Variants in KCNH5 observed in about 807,000 individuals in gnomAD.
KCNH5 encodes potassium voltage-gated channel subfamily H member 5, also known as voltage-gated delayed rectifier potassium channel KCNH5.
Under a neutral mutation model 96.1 loss-of-function variants are expected in KCNH5, and 46 were observed. The observed-to-expected ratio is 0.48, with a 90% CI of 0.38 to 0.61. The LOEUF is 0.61. Ranked by LOEUF, KCNH5 falls within the 20% of genes least tolerant of loss-of-function variation. The pLI, the probability that KCNH5 is intolerant of heterozygous loss-of-function variation, is 0.00. For synonymous variants in KCNH5, 439 were observed against 449.8 expected, an observed-to-expected ratio of 0.98 and a Z score of 0.30; for missense variants, 907 against 1,225.8, an observed-to-expected ratio of 0.74 and a Z score of 3.88.
At chr14:62,767,651 A>G (rs1009323527) in intron 10 of KCNH5, among the ~76,000 whole-genome samples, 4 of 152,198 alleles carry the variant, frequency 2.6e-5, no homozygotes, top group Non-Finnish European at 4.4e-5. Context: ...AGAAGGGAAC[A>G]ATAGACACCA....
At chr14:62,866,840 G>A (rs1888143346) in intron 7 of KCNH5, among the ~76,000 whole-genome samples, 2 of 152,024 alleles carry the variant, frequency 1.3e-5, no homozygotes, top group African/African-American at 4.8e-5. Context: ...CCTGGTCTAG[G>A]TACTCCTCTC....
At chr14:62,972,748 A>G (rs1890433198) in intron 6 of KCNH5, among the ~76,000 whole-genome samples, 1 of 152,218 alleles carries the variant, frequency 6.6e-6, no homozygotes, top group African/African-American at 2.4e-5. Context: ...AAGAGAAAGA[A>G]GCCAATATGA....
chr14:62,805,837 C>T (rs1342090308), intron 8 of KCNH5, among the ~76,000 whole-genome samples: 2 of 152,114 alleles, frequency 1.3e-5, no homozygotes, highest in South Asian at 2.1e-4. Flanking sequence ...AAATTAGACT[C>T]GTTAAGATGA....
chr14:62,843,367 T>G (rs1188213389), intron 8 of KCNH5, among the ~76,000 whole-genome samples: 1 of 151,676 alleles, frequency 6.6e-6, no homozygotes, highest in Non-Finnish European at 1.5e-5. Context: ...TTAAGACCAA[T>G]TCAGCTTTAT....
rs955155352 is a variant in KCNH5, at chr14:62,705,324, T to C, written c.*2184A>G. ...AAAGTTAAACTAACAACTTCTATAA[T>C]CAGATTCTTATTTTAACCACACATT... On this transcript the variant is annotated 3_prime_UTR_variant, in exon 11 of 11. Transcript: ENST00000322893. 2 of 152,002 alleles carry C rather than the reference T, an allele frequency of 1.3e-5. No individual in the cohort carries two copies. Among genetic ancestry groups the C allele is most frequent in the African/African-American group, 4.8e-5 (2 of 41,442 alleles). 9.4% of individuals were successfully genotyped at this position (152,002 alleles called of 1,614,324 possible). A position where few individuals can be genotyped will look rare whatever the true frequency, so the allele number is the denominator to read the frequency against.
At chr14:62,736,711 T>C (rs982148195) in intron 10 of KCNH5, among the ~76,000 whole-genome samples, 15 of 152,116 alleles carry the variant, frequency 9.9e-5, no homozygotes, top group African/African-American at 3.1e-4. Context: ...CTAAAACCAA[T>C]ATATACTCTT....
At position 62,865,766 on chromosome 14, in the gene KCNH5, G is replaced by A. The variant is rs17764329; in HGVS notation, c.1370-15914C>T. On this transcript the variant is annotated intron_variant, in intron 7 of 10. Coordinates refer to ENST00000322893, the MANE Select transcript of KCNH5 (RefSeq NM_139318.5). ...ATTGAAGACAAGAAAACATATTTTC[G>A]AGGAATTGTGTATTTCCTAGAGCTA... Among the ~76,000 whole-genome samples the A allele has an allele frequency of 5.0e-3, 768 of 152,248 alleles. 3 individuals carry two copies. The highest frequency in any genetic ancestry group is 8.1e-3 in the Non-Finnish European group (552 of 68,022).
intron 7 of KCNH5, among the ~76,000 whole-genome samples, chr14:62,892,811 C>T (rs1888737477): frequency 6.6e-6 from 1 of 152,158 alleles, no homozygotes; most frequent in Non-Finnish European, 1.5e-5. Flanking sequence ...ATGTTTAAAG[C>T]ATGATTCACT....
intron 7 of KCNH5, among the ~76,000 whole-genome samples, chr14:62,933,731 T>C (rs923759555): frequency 6.6e-6 from 1 of 152,194 alleles, no homozygotes; most frequent in African/African-American, 2.4e-5. Flanking sequence ...ATAAACCTTA[T>C]AGCGCTATTT....
chr14:62,730,694 CATAAT>C (rs752770779), intron 10 of KCNH5, among the ~76,000 whole-genome samples: 18 of 152,252 alleles, frequency 1.2e-4, no homozygotes, highest in Admixed American at 3.9e-4. Flanking sequence ...TATCTGATAA[CATAAT>C]AGACTGACAG....
At chr14:62,887,789 T>A (rs1888627456) in intron 7 of KCNH5, among the ~76,000 whole-genome samples, 1 of 152,084 alleles carries the variant, frequency 6.6e-6, no homozygotes, top group South Asian at 2.1e-4. Flanking sequence ...TTATTAAAGC[T>A]TCTTACTGCA....
intron 4 of KCNH5, among the ~76,000 whole-genome samples, chr14:62,988,727 ACT>A (rs1890756448): frequency 1.3e-5 from 2 of 152,058 alleles, no homozygotes; most frequent in African/African-American, 4.8e-5. Flanking sequence ...TATGACACCA[ACT>A]CTCTAAAAAC....
intron 9 of KCNH5, among the ~76,000 whole-genome samples, chr14:62,799,523 A>G (rs1210308715): frequency 7.1e-6 from 1 of 140,500 alleles, no homozygotes; most frequent in East Asian, 2.2e-4. Flanking sequence ...CGGTGAGCTG[A>G]GATCACACCA....
chr14:63,033,441 G>T (rs1311158462), intron 1 of KCNH5, among the ~76,000 whole-genome samples: 1 of 152,072 alleles, frequency 6.6e-6, no homozygotes, highest in African/African-American at 2.4e-5. Context: ...CTCACTGTAG[G>T]TATCAATTTA....
chr14:62,758,532 T>C (rs1193960838), intron 10 of KCNH5, among the ~76,000 whole-genome samples: 1 of 152,194 alleles, frequency 6.6e-6, no homozygotes, highest in East Asian at 1.9e-4. Flanking sequence ...TTACTTCCCA[T>C]GGGTATCAAT....
At chr14:62,986,004 A>G (rs776116251) in intron 5 of KCNH5, among the ~76,000 whole-genome samples, 6 of 152,278 alleles carry the variant, frequency 3.9e-5, no homozygotes, top group South Asian at 2.1e-4. Context: ...TGTTTCACAC[A>G]CTATTCTAAT....
At chr14:62,863,149 G>C (rs970005677) in intron 7 of KCNH5, among the ~76,000 whole-genome samples, 1 of 152,066 alleles carries the variant, frequency 6.6e-6, no homozygotes, top group African/African-American at 2.4e-5. Context: ...AACGTGTGTT[G>C]ACATATCTTC....
intron 8 of KCNH5, among the ~76,000 whole-genome samples, chr14:62,835,854 T>G (rs1887455335): frequency 6.6e-6 from 1 of 152,046 alleles, no homozygotes; most frequent in African/African-American, 2.4e-5. Context: ...ACGTTTCAAT[T>G]TTTTATGATT....
chr14:62,929,737 T>C (rs940317703), intron 7 of KCNH5, among the ~76,000 whole-genome samples: 1 of 152,174 alleles, frequency 6.6e-6, no homozygotes, highest in African/African-American at 2.4e-5. Context: ...ATTTGTTACA[T>C]GGGTATATTG....
Sources: allele counts gnomAD v4.1 joint callset (sites outside exome capture counted in the v4.1 genomes callset), GRCh38; gene constraint gnomAD v4.1.1; transcripts MANE v1.5; gene names NCBI Gene and HGNC (gene_info 2026-07-23, HGNC 2026-07-21).